DYRK1A: variants seen among roughly 807,000 people sequenced by gnomAD.
DYRK1A encodes the protein dual specificity tyrosine phosphorylation regulated kinase 1A.
In DYRK1A, 9 loss-of-function variants were observed where a neutral mutation model predicts 79.7. The observed-to-expected ratio is 0.11, with a 90% CI of 0.07 to 0.20. The LOEUF (loss-of-function observed/expected upper bound fraction) is 0.20, where lower values mean the gene tolerates loss of function less well. Ranked by LOEUF, DYRK1A falls within the 10% of genes least tolerant of loss-of-function variation. The pLI is 1.00. For synonymous variants in DYRK1A, 349 were observed against 329.7 expected (o/e 1.06, Z -0.63); for missense variants, 622 against 956.0 (o/e 0.65, Z 4.61).
Position 37,512,710 on chromosome 21 carries a change from A to G in DYRK1A, c.*179A>G. 1 of 709,262 alleles carries G rather than the reference A, an allele frequency of 1.4e-6. No individual in the cohort carries two copies. Among genetic ancestry groups the G allele is most frequent in the Non-Finnish European group, 2.3e-6 (1 of 438,282 alleles). 43.9% of individuals were successfully genotyped at this position (709,262 alleles called of 1,614,324 possible). On this transcript the variant is annotated 3_prime_UTR_variant, in exon 12 of 12. Coordinates refer to ENST00000647188, the MANE Select transcript of DYRK1A (RefSeq NM_001347721.2). ...ATTGCAAAGGGACATTGAAGTGTTT[A>G]AAAGAGCCATGTCCAAACCCATCTT...
At chr21:37,444,645 C>T (rs1046099490) in intron 2 of DYRK1A, among the ~76,000 whole-genome samples, 5 of 151,992 alleles carry the variant, frequency 3.3e-5, no homozygotes, top group East Asian at 3.9e-4. Context: ...GATGAAGCAT[C>T]GAAAAACATG....
At chr21:37,412,346 A>C (rs1476275290) in intron 1 of DYRK1A, among the ~76,000 whole-genome samples, 1 of 152,228 alleles carries the variant, frequency 6.6e-6, no homozygotes, top group Non-Finnish European at 1.5e-5. Flanking sequence ...TATGTGTAGC[A>C]GCTTTATGCA....
At chr21:37,403,789 A>G (rs1304959305) in intron 1 of DYRK1A, among the ~76,000 whole-genome samples, 1 of 148,046 alleles carries the variant, frequency 6.8e-6, no homozygotes, top group African/African-American at 2.5e-5. Flanking sequence ...GGAACTTTTG[A>G]TGAATACTGT....
intron 1 of DYRK1A, among the ~76,000 whole-genome samples, chr21:37,368,410 T>A (rs1341857713): frequency 6.6e-6 from 1 of 152,194 alleles, no homozygotes; most frequent in Non-Finnish European, 1.5e-5. Flanking sequence ...GGCGAAAGGC[T>A]CCTCCCTAAT....
At chr21:37,483,648 T>C (rs1254208386) in intron 5 of DYRK1A, among the ~76,000 whole-genome samples, 3 of 152,096 alleles carry the variant, frequency 2.0e-5, no homozygotes, top group South Asian at 4.1e-4. Context: ...AGTGGAGTAG[T>C]GATCATGGTT....
chr21:37,477,785 T>TCTGAGGGCTGGC (rs2052453188), intron 3 of DYRK1A, among the ~76,000 whole-genome samples: 1 of 152,184 alleles, frequency 6.6e-6, no homozygotes, highest in South Asian at 2.1e-4. Context: ...GAAAGTTGCC[T>TCTGAGGGCTGGC]CTGAGGGCTG....
intron 2 of DYRK1A, among the ~76,000 whole-genome samples, chr21:37,470,271 A>T (rs1263772172): frequency 6.6e-6 from 1 of 152,100 alleles, no homozygotes; most frequent in Non-Finnish European, 1.5e-5. Context: ...GATGCTGGCC[A>T]TTTTTTCCCC....
chr21:37,499,748 T>A (rs2148635781), intron 9 of DYRK1A, among the ~76,000 whole-genome samples: 1 of 152,338 alleles, frequency 6.6e-6, no homozygotes, highest in South Asian at 2.1e-4. Flanking sequence ...AACTGATTTT[T>A]GTATATTGAT....
intron 9 of DYRK1A, 107 bp downstream of exon 9, chr21:37,496,365 C>T (rs545619048): frequency 3.3e-5 from 38 of 1,136,326 alleles, no homozygotes; most frequent in African/African-American, 7.9e-5. Context: ...TTTCAGTTAA[C>T]GATTTTATTG....
At chr21:37,499,350 T>TA (rs1302695625) in intron 9 of DYRK1A, among the ~76,000 whole-genome samples, 3 of 152,230 alleles carry the variant, frequency 2.0e-5, no homozygotes, top group African/African-American at 7.2e-5. Context: ...ACCTAGTAGT[T>TA]ACAGCAGCAT....
intron 5 of DYRK1A, 188 bp from the exon 6 acceptor site, chr21:37,486,279 T>A (rs1037889868): frequency 2.6e-6 from 1 of 380,398 alleles, no homozygotes; most frequent in Non-Finnish European, 4.7e-6. Context: ...GATTTAAAGT[T>A]ACTGTGTAAT....
chr21:37,487,257 G>C (rs2052903932), intron 6 of DYRK1A: 1 of 152,120 alleles, frequency 6.6e-6, no homozygotes, highest in Non-Finnish European at 1.5e-5. Context: ...ATAGGGCTCT[G>C]CAGCTAAGAT....
chr21:37,474,199 G>A (rs746853274), intron 3 of DYRK1A, among the ~76,000 whole-genome samples: 33 of 151,884 alleles, frequency 2.2e-4, no homozygotes, highest in Non-Finnish European at 4.4e-4. Context: ...TGTCTACAGC[G>A]GGCTAGGAAA....
intron 11 of DYRK1A, 54 bp from the exon 12 acceptor site, chr21:37,511,857 T>G (rs1253534341): frequency 5.1e-6 from 8 of 1,566,592 alleles, no homozygotes; most frequent in Non-Finnish European, 6.9e-6. Context: ...TGATGGAAGA[T>G]TAAAGCTTGG....
chr21:37,426,862 G>A (rs1195500927), intron 2 of DYRK1A, among the ~76,000 whole-genome samples: 7 of 147,186 alleles, frequency 4.8e-5, no homozygotes, highest in Admixed American at 4.7e-4. Flanking sequence ...GGAGCTTGCA[G>A]TGAGCCGAGA....
intron 2 of DYRK1A, among the ~76,000 whole-genome samples, chr21:37,465,205 A>G (rs1247754662): frequency 2.0e-5 from 3 of 152,216 alleles, no homozygotes; most frequent in Admixed American, 1.3e-4. Flanking sequence ...GTTATAATAC[A>G]TAGCTAAAAA....
intron 2 of DYRK1A, among the ~76,000 whole-genome samples, chr21:37,461,428 A>G (rs1242836105): frequency 6.6e-6 from 1 of 152,224 alleles, no homozygotes; most frequent in East Asian, 1.9e-4. Flanking sequence ...CAAAAATATT[A>G]AGAAAAAATG....
At position 37,525,072 on chromosome 21, in the gene DYRK1A, C is replaced by A. The variant is rs983377794; in HGVS notation, c.*12541C>A. ...TGAGATTGCACCACTGTACTCCAGC[C>A]TGGATGACAGAGTGAGAACATTGTC... On this transcript the variant is annotated 3_prime_UTR_variant, in exon 12 of 12. Transcript: ENST00000647188. The A allele has an allele frequency of 6.6e-6, 1 of 152,186 alleles. No homozygotes were observed. Among genetic ancestry groups the A allele is most frequent in the African/African-American group, 2.4e-5 (1 of 41,418 alleles). 9.4% of individuals were successfully genotyped at this position (152,186 alleles called of 1,614,324 possible). A position where few individuals can be genotyped will look rare whatever the true frequency, so the allele number is the denominator to read the frequency against.
intron 2 of DYRK1A, among the ~76,000 whole-genome samples, chr21:37,446,539 C>G (rs2051276762): frequency 6.6e-6 from 1 of 151,664 alleles, no homozygotes; most frequent in Non-Finnish European, 1.5e-5. Context: ...TATTCCTATC[C>G]TGACATTTGA....
Sources: gnomAD v4.1 joint callset for allele counts (sites outside exome capture counted in the v4.1 genomes callset) on GRCh38, gnomAD v4.1.1 for gene constraint, MANE v1.5 for transcripts, NCBI Gene and HGNC (gene_info 2026-07-23, HGNC 2026-07-21) for gene names.